The following LHX8 variants were observed in gnomAD, a reference collection of about 807,000 sequenced individuals.
The protein encoded by LHX8 is LIM homeobox 8.
LHX8 carries 12 observed loss-of-function variants against 40.3 expected under a neutral mutation model. The ratio of observed to expected loss-of-function variants is 0.30; its 90% CI spans 0.19 to 0.48. LHX8 has a LOEUF of 0.48. LHX8 is among the 20% of genes least tolerant of loss of function. The pLI, the probability that LHX8 is intolerant of heterozygous loss-of-function variation, is 0.99. For missense variants in LHX8, 344 were observed against 433.7 expected (o/e 0.79, Z 1.84); for synonymous variants, 179 against 162.0 (o/e 1.10, Z -0.80).
At chr1:75,179,814 G>T in the LHX8 span, among the ~76,000 whole-genome samples, 2 of 152,098 alleles carry the variant, frequency 1.3e-5, no homozygotes, top group African/African-American at 2.4e-5. Flanking sequence ...GCCTGTTTTT[G>T]CAGTGGCTGG....
At position 75,139,351 on chromosome 1, in the gene LHX8, G is replaced by T. The variant is rs548313660; in HGVS notation, c.238-1634G>T. On this transcript the variant is annotated intron_variant, in intron 3 of 8. Coordinates refer to ENST00000356261, the MANE Select transcript of LHX8 (RefSeq NM_001256114.2). ...AAATGGAAGATAAACAGACATTTTA[G>T]GAGGGAAGTGAACTTTGAAAAAACG... is the stretch of plus-strand genomic sequence containing the variant. Among the ~76,000 whole-genome samples, 36 of 152,232 alleles carry T rather than the reference G, an allele frequency of 2.4e-4. No homozygotes were observed. The East Asian group carries it at 5.8e-3, about 24-fold the overall frequency.
intron 3 of LHX8, 96 bp downstream of exon 3, chr1:75,137,357 C>G: frequency 7.6e-7 from 1 of 1,314,732 alleles, no homozygotes; most frequent in Non-Finnish European, 1.1e-6. Flanking sequence ...CCTTTCCGTT[C>G]AAGTTCTGGG....
the LHX8 span, among the ~76,000 whole-genome samples, chr1:75,198,991 T>C: frequency 6.6e-6 from 1 of 152,214 alleles, no homozygotes; most frequent in Non-Finnish European, 1.5e-5. Flanking sequence ...ACCTTAGTCA[T>C]AAATCATATT....
intron 4 of LHX8, among the ~76,000 whole-genome samples, chr1:75,141,749 G>T (rs1648316721): frequency 6.6e-6 from 1 of 152,048 alleles, no homozygotes; most frequent in African/African-American, 2.4e-5. Flanking sequence ...GTATAATTCT[G>T]TATGAACAGT....
chr1:75,160,392 G>A (rs1476825779), intron 8 of LHX8: 6 of 194,930 alleles, frequency 3.1e-5, no homozygotes, highest in African/African-American at 1.4e-4. Flanking sequence ...AAACACAGTA[G>A]TGTTGCCTGA....
chr1:75,193,299 C>T, the LHX8 span, among the ~76,000 whole-genome samples: 1 of 152,170 alleles, frequency 6.6e-6, no homozygotes. Context: ...CTCCTGTCTC[C>T]TCTCTGCCAT....
the LHX8 span, among the ~76,000 whole-genome samples, chr1:75,199,292 A>G: frequency 6.6e-6 from 1 of 152,232 alleles, no homozygotes; most frequent in East Asian, 1.9e-4. Flanking sequence ...ACAACATCCT[A>G]CCTTCATTTT....
At chr1:75,131,333 CTCAGAGGCAAAGGGT>C (rs1647954761), upstream of LHX8, 1 of 163,588 alleles carries the variant, frequency 6.1e-6, no homozygotes, top group Non-Finnish European at 1.4e-5. Flanking sequence ...CCCCGAGGAG[CTCAGAGGCAAAGGGT>C]TCAATAGTCA....
At chr1:75,155,997 CTTT>C (rs200891522) in intron 7 of LHX8, among the ~76,000 whole-genome samples, 85 of 130,484 alleles carry the variant, frequency 6.5e-4, no homozygotes, top group Non-Finnish European at 8.1e-4. Context: ...ATTTAGTAGT[CTTT>C]TTTTTTTTTT....
Position 75,137,199 on chromosome 1 carries a change from C to T in LHX8, c.175C>T (p.Pro59Ser). The T allele has an allele frequency of 6.2e-7, 1 of 1,613,614 alleles. No homozygotes were observed. The highest frequency in any genetic ancestry group is 1.3e-5 in the African/African-American group (1 of 75,044). Residue 59 changes from proline (P) to serine (S), a missense_variant, in exon 3 of 9, where the codon CCT (proline) becomes TCT (serine). Physicochemically the swap from Pro to Ser is moderately conservative, Grantham distance 74. This residue lies in a region of LHX8 where 108 missense variants were observed against 90.1 expected (regional missense o/e 1.20). Coordinates refer to ENST00000356261, the MANE Select transcript of LHX8 (RefSeq NM_001256114.2). ...GTCCATGGCCTCGGGCTCCGGCTGCCCTCCTGGCAAGTGTGTGTGCAACAG... is the reference window on the plus strand; with the variant it reads ...GTCCATGGCCTCGGGCTCCGGCTGCTCTCCTGGCAAGTGTGTGTGCAACAG... ...PRSMASGSGCPPGKCVCNSCG... is the reference protein window; with the variant it reads ...PRSMASGSGCSPGKCVCNSCG...
chr1:75,167,904 G>C, the LHX8 span, among the ~76,000 whole-genome samples: 1 of 152,240 alleles, frequency 6.6e-6, no homozygotes, highest in African/African-American at 2.4e-5. Context: ...AGACAGGTTG[G>C]GTCATTATCG....
chr1:75,154,670 T>C (rs1648707532), intron 7 of LHX8, among the ~76,000 whole-genome samples: 2 of 152,128 alleles, frequency 1.3e-5, no homozygotes, highest in African/African-American at 2.4e-5. Context: ...ACATCTATTG[T>C]TCCAGAGCCT....
chr1:75,186,059 A>G, the LHX8 span, among the ~76,000 whole-genome samples: 1 of 152,246 alleles, frequency 6.6e-6, no homozygotes, highest in East Asian at 1.9e-4. Flanking sequence ...CACAAATGGA[A>G]AAACATTTAA....
At chr1:75,163,553 C>T (rs1009837056), downstream of LHX8, among the ~76,000 whole-genome samples, 1 of 152,102 alleles carries the variant, frequency 6.6e-6, no homozygotes, top group African/African-American at 2.4e-5. Context: ...GATTTTTACT[C>T]TTTTGAAACA....
intron 8 of LHX8, 40 bp from the exon 9 acceptor site, chr1:75,160,779 C>A: frequency 7.5e-7 from 1 of 1,330,104 alleles, no homozygotes. Flanking sequence ...GTTTTATGCA[C>A]CCTACAAAAC....
the LHX8 span, among the ~76,000 whole-genome samples, chr1:75,195,225 G>A: frequency 2.0e-5 from 3 of 152,110 alleles, no homozygotes; most frequent in East Asian, 1.9e-4. Context: ...CCAGAGGCAG[G>A]TGTTGTCCCA....
At chr1:75,172,989 G>C in the LHX8 span, among the ~76,000 whole-genome samples, 2 of 152,074 alleles carry the variant, frequency 1.3e-5, no homozygotes, top group Non-Finnish European at 2.9e-5. Context: ...GTCAAACTCT[G>C]AATTCTGGTA....
chr1:75,154,171 T>C (rs1023121796), intron 7 of LHX8, among the ~76,000 whole-genome samples: 2 of 152,188 alleles, frequency 1.3e-5, no homozygotes, highest in African/African-American at 4.8e-5. Context: ...GACTTATACT[T>C]GATTCTGAAG....
chr1:75,137,353 C>T lies in LHX8; in HGVS notation c.237+92C>T, dbSNP rs987286529. The T allele has an allele frequency of 4.9e-5, 65 of 1,330,222 alleles. No homozygotes were observed. In the African/African-American group the frequency reaches 7.4e-4, roughly 15 times the overall value. 82.4% of individuals were successfully genotyped at this position (1,330,222 alleles called of 1,614,324 possible). ...GTAATGTTCCTCCCACCAACCTTTC[C>T]GTTCAAGTTCTGGGTGAAGGTTGTA... On this transcript the variant is annotated intron_variant, in intron 3 of 8. Transcript: ENST00000356261.
Sources: gnomAD v4.1 joint callset for allele counts (sites outside exome capture counted in the v4.1 genomes callset) on GRCh38, gnomAD v4.1.1 for gene constraint, gnomAD v4.1.1 regional missense constraint, MANE v1.5 for transcripts, NCBI Gene and HGNC (gene_info 2026-07-23, HGNC 2026-07-21) for gene names.